The following NRP2 variants were observed in gnomAD, a reference collection of about 807,000 sequenced individuals.
The protein encoded by NRP2 is neuropilin 2.
In NRP2, 52 loss-of-function variants were observed where a neutral mutation model predicts 110.4. The observed-to-expected ratio is 0.47, with a 90% confidence interval of 0.38 to 0.59. The LOEUF (loss-of-function observed/expected upper bound fraction) is 0.59, where lower values mean the gene tolerates loss of function less well. Among genes scored for constraint, NRP2 ranks in the 20% least tolerant of loss-of-function variants. NRP2 has a pLI of 0.00. For missense variants in NRP2, 1,049 were observed against 1,203.0 expected, an observed-to-expected ratio of 0.87 and a Z score of 1.89; for synonymous variants, 508 against 468.9, an observed-to-expected ratio of 1.08 and a Z score of -1.08.
rs1575589355 is a variant in NRP2, at chr2:205,723,923, A to G, written c.803A>G (p.His268Arg). ...TTCTCTGCGCGTTACTACCTGGTCC[A>G]CCAAGAGCCACTAGAGAGTGAGTTG... ...DGFSARYYLV[H>R]QEPLENFQCN... Residue 268 changes from histidine to arginine, a missense_variant, in exon 5 of 17, where the codon CAC (histidine) becomes CGC (arginine). Transcript: ENST00000357785. 1 of 1,614,084 alleles carries G rather than the reference A, an allele frequency of 6.2e-7. No individual in the cohort carries two copies. The highest frequency in any genetic ancestry group is 2.2e-5 in the East Asian group (1 of 44,872).
At chr2:205,741,927 G>A (rs963686839) in intron 8 of NRP2, among the ~76,000 whole-genome samples, 3 of 152,214 alleles carry the variant, frequency 2.0e-5, no homozygotes, top group African/African-American at 4.8e-5. Flanking sequence ...CAACTAGGAG[G>A]TGACAGAGCC....
chr2:205,767,369 G>A (rs1375283937), intron 15 of NRP2: 3 of 510,542 alleles, frequency 5.9e-6, no homozygotes, highest in African/African-American at 5.8e-5. Context: ...AGTTAGGAAA[G>A]AGACACAGAA....
At chr2:205,755,055 G>C (rs1392598052) in intron 12 of NRP2, among the ~76,000 whole-genome samples, 1 of 152,166 alleles carries the variant, frequency 6.6e-6, no homozygotes, top group Non-Finnish European at 1.5e-5. Context: ...GGGAGCTTAA[G>C]TGACCTCCCT....
chr2:205,685,086 G>T (rs772121735), intron 1 of NRP2, among the ~76,000 whole-genome samples: 2 of 152,198 alleles, frequency 1.3e-5, no homozygotes, highest in African/African-American at 2.4e-5. Context: ...GTCCCCGAGC[G>T]CTGCTTGGAG....
chr2:205,696,629 C>T (rs959390454), intron 1 of NRP2, among the ~76,000 whole-genome samples: 2 of 152,230 alleles, frequency 1.3e-5, no homozygotes, highest in Non-Finnish European at 2.9e-5. Context: ...TCCCTTCCCT[C>T]CCAGGCCACA....
intron 7 of NRP2, among the ~76,000 whole-genome samples, chr2:205,739,687 T>A (rs1275555210): frequency 4.0e-5 from 6 of 150,666 alleles, no homozygotes; most frequent in Non-Finnish European, 5.9e-5. Flanking sequence ...AGTTACTTTT[T>A]TTTTTTTTTT....
At chr2:205,692,145 A>G (rs1229101734) in intron 1 of NRP2, among the ~76,000 whole-genome samples, 2 of 152,076 alleles carry the variant, frequency 1.3e-5, no homozygotes, top group Admixed American at 6.6e-5. Context: ...TTTTATTCAG[A>G]TTTTGAACTT....
intron 16 of NRP2, among the ~76,000 whole-genome samples, chr2:205,794,101 A>ATCAT (rs2058329486): frequency 6.6e-6 from 1 of 152,074 alleles, no homozygotes; most frequent in Non-Finnish European, 1.5e-5. Flanking sequence ...TGTAAGTCAA[A>ATCAT]TTATTTATTT....
intron 1 of NRP2, among the ~76,000 whole-genome samples, chr2:205,697,267 C>T (rs1385185733): frequency 6.7e-6 from 1 of 148,584 alleles, no homozygotes; most frequent in Non-Finnish European, 1.5e-5. Flanking sequence ...AATCACAGAC[C>T]ATGTAATTGA....
At chr2:205,709,478 G>C (rs953545188) in intron 2 of NRP2, among the ~76,000 whole-genome samples, 1 of 152,208 alleles carries the variant, frequency 6.6e-6, no homozygotes, top group African/African-American at 2.4e-5. Flanking sequence ...GGTGGAGACT[G>C]TTATTATGTC....
At chr2:205,713,235 C>A (rs377081326) in intron 2 of NRP2, among the ~76,000 whole-genome samples, 2 of 152,156 alleles carry the variant, frequency 1.3e-5, no homozygotes, top group Non-Finnish European at 2.9e-5. Flanking sequence ...GATGGCAGGG[C>A]CTCTCTTTGT....
At chr2:205,699,157 C>A (rs2056500488) in intron 2 of NRP2, among the ~76,000 whole-genome samples, 1 of 152,220 alleles carries the variant, frequency 6.6e-6, no homozygotes, top group Non-Finnish European at 1.5e-5. Flanking sequence ...CAACGGATGA[C>A]ATAGGGAAAC....
Position 205,740,734 on chromosome 2 carries a change from C to T in NRP2, c.1291+71C>T, listed in dbSNP as rs549318903. The T allele has an allele frequency of 1.8e-4, 278 of 1,564,820 alleles. 2 individuals are homozygous for T. In the South Asian group the frequency reaches 3.1e-3, roughly 17 times the overall value. ...GGCTCTGCTCCCTTTCAACTCTCTG[C>T]AAACAGCATGACTGCACCACATGAC... is the stretch of plus-strand genomic sequence containing the variant. On this transcript the variant is annotated intron_variant, in intron 8 of 16. Transcript: ENST00000357785.
At chr2:205,704,657 A>G (rs1209926838) in intron 2 of NRP2, among the ~76,000 whole-genome samples, 1 of 152,202 alleles carries the variant, frequency 6.6e-6, no homozygotes, top group Non-Finnish European at 1.5e-5. Flanking sequence ...CAAGGTTAAA[A>G]CGCAGCTGGA....
intron 7 of NRP2, among the ~76,000 whole-genome samples, chr2:205,736,438 A>G (rs1466018668): frequency 6.6e-6 from 1 of 152,242 alleles, no homozygotes; most frequent in Non-Finnish European, 1.5e-5. Context: ...TGAGTATAAC[A>G]TACAAGGCAA....
chr2:205,774,399 A>G (rs973525666), intron 15 of NRP2, among the ~76,000 whole-genome samples: 1 of 152,184 alleles, frequency 6.6e-6, no homozygotes, highest in African/African-American at 2.4e-5. Flanking sequence ...ATAAGGTGGG[A>G]GAAGAGGAAG....
At position 205,686,934 on chromosome 2, in the gene NRP2, G is replaced by A. The variant is rs541180042; in HGVS notation, c.73+3571G>A. On this transcript the variant is annotated intron_variant, in intron 1 of 16. Transcript: ENST00000357785. This position sits in a 1 kb window ranked among gnomAD's most constrained non-coding sequence, Gnocchi z 4.7. ...GCTAGAGTTAATCATGATCTGCGGG[G>A]GGACTGGGTTTTGCTCAGAAAATCA... Among the ~76,000 whole-genome samples, 21 of 152,262 alleles carry A rather than the reference G, an allele frequency of 1.4e-4. No individual in the cohort carries two copies. The South Asian group carries it at 2.3e-3, about 17-fold the overall frequency.
Position 205,797,704 on chromosome 2 carries a change from G to A in NRP2, c.*2646G>A, listed in dbSNP as rs941428782. The A allele has an allele frequency of 6.5e-6, 1 of 152,678 alleles. No homozygotes were observed. The highest frequency in any genetic ancestry group is 1.5e-5 in the Non-Finnish European group (1 of 68,100). The allele number at this position is 152,678 out of a possible 1,614,324, so 9.5% of individuals were successfully genotyped here. The stretch of plus-strand genomic sequence containing the variant: ...GTTTGTTATCTTTATCTGTGGGTAG[G>A]CTAGCTGACCCATCTCCTTGAGTCA... On this transcript the variant is annotated 3_prime_UTR_variant, in exon 17 of 17. Coordinates refer to ENST00000357785, the MANE Select transcript of NRP2 (RefSeq NM_003872.3).
intron 15 of NRP2, among the ~76,000 whole-genome samples, chr2:205,788,420 G>C (rs948059502): frequency 5.9e-5 from 9 of 152,140 alleles, no homozygotes; most frequent in Admixed American, 2.6e-4. Flanking sequence ...GTTGGAGATC[G>C]GGAAGGCAGA....
Sources: allele counts gnomAD v4.1 joint callset (sites outside exome capture counted in the v4.1 genomes callset), GRCh38; gene constraint gnomAD v4.1.1; non-coding constraint Gnocchi (gnomAD v3.1); transcripts MANE v1.5; gene names NCBI Gene and HGNC (gene_info 2026-07-23, HGNC 2026-07-21).